The following WWOX variants were observed in gnomAD, a reference collection of about 807,000 sequenced individuals.
WWOX encodes the protein WW domain containing oxidoreductase.
Under a neutral mutation model 46.2 loss-of-function variants are expected in WWOX, and 69 were observed. That is an observed-to-expected ratio of 1.49 (90% CI 1.23 to 1.82). The LOEUF (loss-of-function observed/expected upper bound fraction) is 1.82, where lower values mean the gene tolerates loss of function less well. Ranked by LOEUF, WWOX falls within the 40% of genes most tolerant of loss-of-function variation. WWOX has a pLI of 0.00. For missense variants in WWOX, 919 were observed against 542.6 expected (o/e 1.69, Z -6.89); for synonymous variants, 359 against 202.6 (o/e 1.77, Z -6.56).
chr16:78,720,835 G>A (rs779779740), intron 8 of WWOX, among the ~76,000 whole-genome samples: 4 of 152,054 alleles, frequency 2.6e-5, no homozygotes, highest in Non-Finnish European at 5.9e-5. Context: ...CTTTCTTGGG[G>A]AGAGAAGAAA....
chr16:78,436,551 AC>A (rs1184996616), intron 8 of WWOX, among the ~76,000 whole-genome samples: 1 of 152,208 alleles, frequency 6.6e-6, no homozygotes, highest in East Asian at 1.9e-4. Context: ...GTTTGGTAGT[AC>A]TTTTTTAGCC....
intron 8 of WWOX, among the ~76,000 whole-genome samples, chr16:78,652,921 T>A (rs942317906): frequency 6.6e-6 from 1 of 152,192 alleles, no homozygotes; most frequent in Non-Finnish European, 1.5e-5. Flanking sequence ...ATTTGTTACT[T>A]TGAAAAATGA....
At position 78,781,815 on chromosome 16, in the gene WWOX, A is replaced by G. The variant is rs559795603; in HGVS notation, c.1056+349063A>G. On this transcript the variant is annotated intron_variant, in intron 8 of 8. Coordinates refer to ENST00000566780, the MANE Select transcript of WWOX (RefSeq NM_016373.4). ...GTCAAAGACATGAATATTTTCTTCTAAGTAGAAGTAATGATGACGATGATG... is the reference window on the plus strand; with the variant it reads ...GTCAAAGACATGAATATTTTCTTCTGAGTAGAAGTAATGATGACGATGATG... Among the ~76,000 whole-genome samples, 15 of 152,316 alleles carry G rather than the reference A, an allele frequency of 9.8e-5. No individual in the cohort carries two copies. In the South Asian group the frequency reaches 1.9e-3, roughly 19 times the overall value.
intron 8 of WWOX, among the ~76,000 whole-genome samples, chr16:78,731,278 T>G (rs1056620268): frequency 6.6e-6 from 1 of 152,124 alleles, no homozygotes; most frequent in Non-Finnish European, 1.5e-5. Flanking sequence ...AGGTAAGAAT[T>G]TAGAGCACAG....
intron 8 of WWOX, among the ~76,000 whole-genome samples, chr16:78,768,596 A>G (rs928841988): frequency 6.6e-6 from 1 of 150,632 alleles, no homozygotes; most frequent in African/African-American, 2.4e-5. Context: ...TCTCGAGGAA[A>G]AAAAAAAAAA....
intron 8 of WWOX, among the ~76,000 whole-genome samples, chr16:78,621,747 G>C (rs2046194321): frequency 6.6e-6 from 1 of 151,552 alleles, no homozygotes; most frequent in Non-Finnish European, 1.5e-5. Flanking sequence ...TGGGACTACA[G>C]GCACTCACCA....
chr16:78,409,630 A>G (rs1199118456), intron 6 of WWOX, among the ~76,000 whole-genome samples: 1 of 152,140 alleles, frequency 6.6e-6, no homozygotes, highest in East Asian at 1.9e-4. Flanking sequence ...CCACAAACTT[A>G]TGTGCTTAAA....
chr16:78,195,251 GCAGACTGACTGGAACCTGCTCCTT>G (rs1396168479), intron 5 of WWOX, among the ~76,000 whole-genome samples: 1 of 152,138 alleles, frequency 6.6e-6, no homozygotes, highest in Non-Finnish European at 1.5e-5. Flanking sequence ...CCCAGTGCTG[GCAGACTGACTGGAACCTGCTCCTT>G]CATTAAACCT....
intron 4 of WWOX, among the ~76,000 whole-genome samples, chr16:78,144,110 G>T (rs2151710613): frequency 6.6e-6 from 1 of 152,020 alleles, no homozygotes; most frequent in East Asian, 1.9e-4. Flanking sequence ...CTTGGCTCAG[G>T]CAATTTGTCA....
At chr16:78,803,864 G>A (rs939818642) in intron 8 of WWOX, among the ~76,000 whole-genome samples, 7 of 152,282 alleles carry the variant, frequency 4.6e-5, no homozygotes, top group African/African-American at 1.7e-4. Context: ...CTCAAAAATT[G>A]AGTACTGCTT....
chr16:78,157,289 A>T (rs1469033562), intron 4 of WWOX, among the ~76,000 whole-genome samples: 2 of 152,180 alleles, frequency 1.3e-5, no homozygotes, highest in African/African-American at 2.4e-5. Context: ...GGGGCAGATC[A>T]GTCAGCAAGA....
intron 5 of WWOX, among the ~76,000 whole-genome samples, chr16:78,343,170 C>T (rs12599450): frequency 0.11 from 12,850 of 119,398 alleles, 3,934 homozygotes; most frequent in East Asian, 0.22. Context: ...CATGACTCTG[C>T]TTTCTGGGTG....
chr16:78,874,676 AT>A (rs1452846030), intron 8 of WWOX, among the ~76,000 whole-genome samples: 2 of 89,566 alleles, frequency 2.2e-5, no homozygotes, highest in African/African-American at 4.0e-5. Flanking sequence ...TGACCAGAAG[AT>A]TTTTTTCTTT....
At chr16:78,971,302 A>G (rs987093523) in intron 8 of WWOX, among the ~76,000 whole-genome samples, 1 of 151,828 alleles carries the variant, frequency 6.6e-6, no homozygotes, top group Non-Finnish European at 1.5e-5. Flanking sequence ...CATCTCTACT[A>G]AAAATACAAA....
intron 1 of WWOX, among the ~76,000 whole-genome samples, chr16:78,106,298 C>T (rs1036452690): frequency 1.3e-5 from 2 of 151,918 alleles, no homozygotes; most frequent in African/African-American, 2.4e-5. Flanking sequence ...CTTGGTTTAT[C>T]TGATTGCTGT....
intron 5 of WWOX, among the ~76,000 whole-genome samples, chr16:78,329,151 G>A (rs1184268376): frequency 1.3e-5 from 2 of 152,050 alleles, no homozygotes; most frequent in Admixed American, 1.3e-4. Flanking sequence ...GTGAGCTACC[G>A]CACCCAGCCT....
intron 5 of WWOX, among the ~76,000 whole-genome samples, chr16:78,320,679 A>G (rs2080447832): frequency 6.6e-6 from 1 of 152,198 alleles, no homozygotes; most frequent in African/African-American, 2.4e-5. Context: ...TGAAATATCC[A>G]GATGTTTTCA....
chr16:79,078,285 T>A (rs1370721184), intron 8 of WWOX: 1 of 152,214 alleles, frequency 6.6e-6, no homozygotes, highest in African/African-American at 2.4e-5. Flanking sequence ...CTTCCTTGAA[T>A]TCCATAGGTT....
At chr16:78,308,754 T>G (rs185970588) in intron 5 of WWOX, among the ~76,000 whole-genome samples, 5 of 152,304 alleles carry the variant, frequency 3.3e-5, no homozygotes, top group Admixed American at 1.3e-4. Flanking sequence ...AGGCTTCATC[T>G]GCATCATAAG....
Sources: allele counts gnomAD v4.1 joint callset (sites outside exome capture counted in the v4.1 genomes callset), GRCh38; gene constraint gnomAD v4.1.1; transcripts MANE v1.5; gene names NCBI Gene and HGNC (gene_info 2026-07-23, HGNC 2026-07-21).